Variants in RGSL1 observed in about 807,000 individuals in gnomAD.
The protein encoded by RGSL1 is regulator of G protein signaling protein-like.
A neutral mutation model predicts 124.7 loss-of-function variants in RGSL1; 97 were observed. That is an observed-to-expected ratio of 0.78 (90% CI 0.66 to 0.92). RGSL1 has a LOEUF of 0.92. Among genes scored for constraint, RGSL1 ranks in the 40% least tolerant of loss-of-function variants. The probability of loss-of-function intolerance (pLI) is 0.00; values close to 1 mark genes in which losing one functional copy is unlikely to be tolerated. For missense variants in RGSL1, 1,233 were observed against 1,288.4 expected, an observed-to-expected ratio of 0.96 and a Z score of 0.66; for synonymous variants, 424 against 438.1, an observed-to-expected ratio of 0.97 and a Z score of 0.40.
At chr1:182,509,387 G>C (rs1463573165) in intron 9 of RGSL1, among the ~76,000 whole-genome samples, 2 of 27,224 alleles carry the variant, frequency 7.3e-5, no homozygotes, top group African/African-American at 2.4e-4. Flanking sequence ...CAGTAGGGGC[G>C]GCCGGGCAGA....
At chr1:182,456,756 G>A (rs779128249) in intron 2 of RGSL1, among the ~76,000 whole-genome samples, 18 of 152,238 alleles carry the variant, frequency 1.2e-4, no homozygotes, top group Non-Finnish European at 2.2e-4. Context: ...TATAAAGAGA[G>A]ACAGCAGTAG....
intron 9 of RGSL1, among the ~76,000 whole-genome samples, chr1:182,509,930 T>C (rs1657264254): frequency 7.4e-6 from 1 of 135,340 alleles, no homozygotes; most frequent in Non-Finnish European, 1.6e-5. Context: ...GACGGGGTGG[T>C]TGCCAGGCAG....
At chr1:182,508,166 T>C (rs1308084516) in intron 9 of RGSL1, among the ~76,000 whole-genome samples, 1 of 152,128 alleles carries the variant, frequency 6.6e-6, no homozygotes, top group East Asian at 1.9e-4. Flanking sequence ...GGTATTTTCC[T>C]TTTTACACAA....
chr1:182,474,467 T>A lies in RGSL1; in HGVS notation c.1356T>A (p.Ile452=). ...GCTTACCACTCAAATCCCAAACCAT[T>A]CAGGGCCTGAAGGAACTATTGCCCT... ...GPCLPLKSQT[I]QGLKELLPSG... The change falls in exon 6 of 22, where the codon ATT becomes ATA. Residue 452 remains isoleucine (I), a synonymous_variant. Coordinates refer to ENST00000294854, the MANE Select transcript of RGSL1 (RefSeq NM_001137669.2). The A allele has an allele frequency of 1.3e-6, 2 of 1,551,854 alleles. No individual in the cohort carries two copies. The highest frequency in any genetic ancestry group is 4.9e-5 in the East Asian group (2 of 40,918).
chr1:182,479,667 C>T lies in RGSL1; in HGVS notation c.1431+5125C>T, dbSNP rs60741463. ...AACGATAATTACTTTAAATGTAAAT[C>T]GTCTTAACTCTGCAATCAAAAGACA... On this transcript the variant is annotated intron_variant, in intron 6 of 21. Coordinates refer to ENST00000294854, the MANE Select transcript of RGSL1 (RefSeq NM_001137669.2). 1.5e-3 allele frequency among the ~76,000 whole-genome samples: 225 copies of T among 152,190 alleles called. 5 individuals carry two copies. In the East Asian group the frequency reaches 0.04, roughly 27 times the overall value.
At chr1:182,513,665 T>C (rs1299403890) in intron 9 of RGSL1, among the ~76,000 whole-genome samples, 1 of 152,168 alleles carries the variant, frequency 6.6e-6, no homozygotes. Context: ...TGTCTCCCTA[T>C]CTCTATTGTA....
chr1:182,554,786 T>C lies in RGSL1; in HGVS notation c.3197+93T>C. 4.9e-6 allele frequency: 6 copies of C among 1,221,700 alleles called. No homozygotes were observed. In the South Asian group the frequency reaches 7.8e-5, roughly 16 times the overall value. 75.7% of individuals were successfully genotyped at this position (1,221,700 alleles called of 1,614,324 possible). A position where few individuals can be genotyped will look rare whatever the true frequency, so the allele number is the denominator to read the frequency against. On this transcript the variant is annotated intron_variant, in intron 20 of 21. Transcript: ENST00000294854. ...GGTATAAACTTTCCAGAGACTAGCC[T>C]CATACCCTGCCTCTCCTTGGCATGC...
At chr1:182,514,963 T>C (rs1657749636) in intron 9 of RGSL1, among the ~76,000 whole-genome samples, 1 of 152,212 alleles carries the variant, frequency 6.6e-6, no homozygotes, top group Non-Finnish European at 1.5e-5. Context: ...GTTGCCCATT[T>C]TGAAAGACAG....
chr1:182,556,820 T>A (rs755830778), intron 21 of RGSL1, among the ~76,000 whole-genome samples: 48 of 152,144 alleles, frequency 3.2e-4, no homozygotes, highest in Non-Finnish European at 6.2e-4. Context: ...TTTCTCTCCT[T>A]TGAGAAAAAA....
At chr1:182,501,275 T>TCTTC (rs1226314128) in intron 9 of RGSL1, among the ~76,000 whole-genome samples, 6 of 147,058 alleles carry the variant, frequency 4.1e-5, no homozygotes, top group African/African-American at 1.5e-4. Context: ...TCTCTTTCTT[T>TCTTC]CTTTTTTTTC....
intron 6 of RGSL1, among the ~76,000 whole-genome samples, chr1:182,480,736 G>A (rs1355834853): frequency 2.0e-5 from 3 of 152,096 alleles, no homozygotes; most frequent in Admixed American, 6.5e-5. Context: ...GATTACAGGC[G>A]TGAGCCACCA....
At chr1:182,530,681 C>T in intron 12 of RGSL1, 109 bp from the exon 13 acceptor site, 2 of 1,249,942 alleles carry the variant, frequency 1.6e-6, no homozygotes, top group Non-Finnish European at 2.2e-6. Context: ...TACTATTCCC[C>T]AATTACCACT....
At chr1:182,519,166 A>C (rs1658143490) in intron 9 of RGSL1, among the ~76,000 whole-genome samples, 1 of 152,094 alleles carries the variant, frequency 6.6e-6, no homozygotes, top group Admixed American at 6.5e-5. Flanking sequence ...TTGTTTTATG[A>C]GTCAATATTT....
intron 18 of RGSL1, among the ~76,000 whole-genome samples, chr1:182,552,410 T>C (rs986257001): frequency 2.0e-5 from 3 of 152,268 alleles, no homozygotes; most frequent in East Asian, 1.9e-4. Flanking sequence ...CACCGCACCC[T>C]GTGCAAAAGG....
chr1:182,525,462 T>TA (rs1658672172), intron 10 of RGSL1, among the ~76,000 whole-genome samples: 1 of 152,016 alleles, frequency 6.6e-6, no homozygotes, highest in Non-Finnish European at 1.5e-5. Context: ...TAAAATATAA[T>TA]GAAAAAATCT....
At chr1:182,557,699 G>T (rs565731946) in intron 21 of RGSL1, among the ~76,000 whole-genome samples, 1 of 152,104 alleles carries the variant, frequency 6.6e-6, no homozygotes, top group Non-Finnish European at 1.5e-5. Flanking sequence ...GTGTAGGTAT[G>T]CAAACACACA....
Position 182,474,401 on chromosome 1 carries a change from C to A in RGSL1, c.1290C>A (p.Asp430Glu). The A allele has an allele frequency of 6.4e-7, 1 of 1,552,012 alleles. No individual in the cohort carries two copies. Among genetic ancestry groups the A allele is most frequent in the Non-Finnish European group, 8.7e-7 (1 of 1,147,022 alleles). Reference sequence around the variant, plus strand: ...CAATCTTTCGTCACTTGCTGGGTGACAGAATCTGCGAGCTCTACCTGAATG... The same window carrying A: ...CAATCTTTCGTCACTTGCTGGGTGAAAGAATCTGCGAGCTCTACCTGAATG... ...GNAIFRHLLG[D>E]RICELYLNEQ... The change falls in exon 6 of 22, where the codon GAC becomes GAA. Residue 430 changes from aspartate (D) to glutamate (E), a missense_variant. By Grantham distance (45) the Asp-to-Glu change is conservative. Transcript: ENST00000294854.
At chr1:182,559,919 C>T (rs1316303339) in intron 21 of RGSL1, among the ~76,000 whole-genome samples, 1 of 152,210 alleles carries the variant, frequency 6.6e-6, no homozygotes, top group Non-Finnish European at 1.5e-5. Flanking sequence ...TACTAGACTA[C>T]ATGCTTTTGT....
chr1:182,533,524 AG>A (rs1239471626), intron 14 of RGSL1, among the ~76,000 whole-genome samples: 1 of 152,022 alleles, frequency 6.6e-6, no homozygotes, highest in Non-Finnish European at 1.5e-5. Flanking sequence ...CCTGCAGCAG[AG>A]GATCTGCCCT....
Sources: allele counts gnomAD v4.1 joint callset (sites outside exome capture counted in the v4.1 genomes callset), GRCh38; gene constraint gnomAD v4.1.1; transcripts MANE v1.5; gene names NCBI Gene and HGNC (gene_info 2026-07-23, HGNC 2026-07-21).